SEMA6B: variants seen among roughly 807,000 people sequenced by gnomAD.
The protein encoded by SEMA6B is semaphorin 6B.
Under a neutral mutation model 78.6 loss-of-function variants are expected in SEMA6B, and 47 were observed. The ratio of observed to expected loss-of-function variants is 0.60; its 90% CI spans 0.47 to 0.76. SEMA6B has a LOEUF of 0.76. Among genes scored for constraint, SEMA6B ranks in the 30% least tolerant of loss-of-function variants. The pLI, the probability that SEMA6B is intolerant of heterozygous loss-of-function variation, is 0.00. For missense variants in SEMA6B, 1,213 were observed against 1,269.9 expected (o/e 0.96, Z 0.68); for synonymous variants, 632 against 592.2 (o/e 1.07, Z -0.98).
rs374468538 is a variant in SEMA6B at position 4,542,969 on chromosome 19, C to A, written c.*632G>T. On this transcript the variant is annotated 3_prime_UTR_variant, in exon 17 of 17. Coordinates refer to ENST00000586582, the MANE Select transcript of SEMA6B (RefSeq NM_032108.4). ...CCGGGCCTTCTGGAAGCCCCAGCGT[C>A]GGCTCAGCCAACGCCCAGGCCGCTG... 78 of 700,164 alleles carry A rather than the reference C, an allele frequency of 1.1e-4. No homozygotes were observed. The highest frequency in any genetic ancestry group is 7.7e-4 in the African/African-American group (44 of 57,260). 43.4% of individuals were successfully genotyped at this position (700,164 alleles called of 1,614,324 possible). A position where few individuals can be genotyped will look rare whatever the true frequency, so the allele number is the denominator to read the frequency against.
rs1419824996 is a variant in SEMA6B, at chr19:4,543,585, TC to T, written c.*15del. 1 of 1,208,944 alleles carries T rather than the reference TC, an allele frequency of 8.3e-7. No homozygotes were observed. 74.9% of individuals were successfully genotyped at this position (1,208,944 alleles called of 1,614,324 possible). A position where few individuals can be genotyped will look rare whatever the true frequency, so the allele number is the denominator to read the frequency against. ...TCCCGTGGCTGGCACTGCCAAGGCA[TC>T]GGGGGGCCCCCGGCCTAGGGCACGG... On this transcript the variant is annotated 3_prime_UTR_variant, in exon 17 of 17. Coordinates refer to ENST00000586582, the MANE Select transcript of SEMA6B (RefSeq NM_032108.4).
intron 10 of SEMA6B, 113 bp from the exon 11 acceptor site, chr19:4,551,043 C>T (rs1977318546): frequency 2.5e-6 from 3 of 1,199,442 alleles, no homozygotes; most frequent in East Asian, 2.4e-5. Context: ...TCTTCCTAGG[C>T]CAGAGATGTC....
Position 4,550,299 on chromosome 19 carries a change from A to G in SEMA6B, c.1122-27T>C. 1.9e-6 allele frequency: 3 copies of G among 1,612,592 alleles called. No individual in the cohort carries two copies. Among genetic ancestry groups the G allele is most frequent in the Non-Finnish European group, 2.5e-6 (3 of 1,179,302 alleles). On this transcript the variant is annotated intron_variant, in intron 11 of 16. Coordinates refer to ENST00000586582, the MANE Select transcript of SEMA6B (RefSeq NM_032108.4). This position sits in a 1 kb window ranked among gnomAD's most constrained non-coding sequence, Gnocchi z 6.6. ...TGGGGGTGACAAGGGTGTGGTCAGGACGAACGTAAAGGTTCTCATAAAGGG... is the reference window on the plus strand; with the variant it reads ...TGGGGGTGACAAGGGTGTGGTCAGGGCGAACGTAAAGGTTCTCATAAAGGG...
chr19:4,555,665 G>T lies in SEMA6B; in HGVS notation c.472-101C>A. 1 of 943,116 alleles carries T rather than the reference G, an allele frequency of 1.1e-6. No homozygotes were observed. The highest frequency in any genetic ancestry group is 1.6e-6 in the Non-Finnish European group (1 of 610,386). 58.4% of individuals were successfully genotyped at this position (943,116 alleles called of 1,614,324 possible). A position where few individuals can be genotyped will look rare whatever the true frequency, so the allele number is the denominator to read the frequency against. Reference sequence around the variant, plus strand: ...TCCAGGGGGAATCCTGATCCACCACGGATTACTGTGTGACCTTGGCCACTC... The same window carrying T: ...TCCAGGGGGAATCCTGATCCACCACTGATTACTGTGTGACCTTGGCCACTC... On this transcript the variant is annotated intron_variant, in intron 6 of 16. Coordinates refer to ENST00000586582, the MANE Select transcript of SEMA6B (RefSeq NM_032108.4). The surrounding 1 kb of genome is among the most constrained non-coding windows in gnomAD (Gnocchi z 6.1).
rs1183401224 is a variant in SEMA6B, at chr19:4,555,796, C to T, written c.471+192G>A. Among the ~76,000 whole-genome samples the T allele has an allele frequency of 6.6e-6, 1 of 152,188 alleles. No homozygotes were observed. The highest frequency in any genetic ancestry group is 1.9e-4 in the East Asian group (1 of 5,192). ...ATTACCTAAGTAGCTACGGCTTCCCCGGCCCCCTGTACAGGCCTCGTTTGG... is the reference window on the plus strand; with the variant it reads ...ATTACCTAAGTAGCTACGGCTTCCCTGGCCCCCTGTACAGGCCTCGTTTGG... On this transcript the variant is annotated intron_variant, in intron 6 of 16. Coordinates refer to ENST00000586582, the MANE Select transcript of SEMA6B (RefSeq NM_032108.4). This position sits in a 1 kb window ranked among gnomAD's most constrained non-coding sequence, Gnocchi z 6.1.
intron 12 of SEMA6B, among the ~76,000 whole-genome samples, 165 bp from the exon 13 acceptor site, chr19:4,548,610 C>A (rs2145348785): frequency 6.6e-6 from 1 of 152,362 alleles, no homozygotes; most frequent in South Asian, 2.1e-4. Flanking sequence ...CGTGACTACA[C>A]AGGCACGTGG....
intron 10 of SEMA6B, among the ~76,000 whole-genome samples, chr19:4,551,924 C>T (rs757841981): frequency 6.6e-6 from 1 of 152,120 alleles, no homozygotes; most frequent in Non-Finnish European, 1.5e-5. Flanking sequence ...CTCCCCAGTG[C>T]TCTCAGGGAA....
chr19:4,551,039 T>A, intron 10 of SEMA6B, 109 bp from the exon 11 acceptor site: 1 of 1,297,078 alleles, frequency 7.7e-7, no homozygotes, highest in Admixed American at 1.9e-5. Context: ...TCAGTCTTCC[T>A]AGGCCAGAGA....
chr19:4,559,369 AC>A (rs1977557858), intron 1 of SEMA6B, among the ~76,000 whole-genome samples, 160 bp downstream of exon 1: 1 of 151,856 alleles, frequency 6.6e-6, no homozygotes, highest in South Asian at 2.1e-4. Flanking sequence ...ACTACCTCTC[AC>A]GGGGGACTGC....
At position 4,558,236 on chromosome 19, in the gene SEMA6B, C is replaced by T. The variant is rs1013315802; in HGVS notation, c.122-87G>A. Reference sequence around the variant, plus strand: ...GGTCATGCCCCTTCTAGGGGTGGCTCCTGGACTGCTTGAGTCCCCCAGTGG... The same window carrying T: ...GGTCATGCCCCTTCTAGGGGTGGCTTCTGGACTGCTTGAGTCCCCCAGTGG... On this transcript the variant is annotated intron_variant, in intron 2 of 16. Coordinates refer to ENST00000586582, the MANE Select transcript of SEMA6B (RefSeq NM_032108.4). The surrounding 1 kb of genome is among the most constrained non-coding windows in gnomAD (Gnocchi z 5.1). 2.0e-5 allele frequency: 27 copies of T among 1,317,892 alleles called. No individual in the cohort carries two copies. The highest frequency in any genetic ancestry group is 3.5e-5 in the Admixed American group (1 of 28,856). 81.6% of individuals were successfully genotyped at this position (1,317,892 alleles called of 1,614,324 possible). A position where few individuals can be genotyped will look rare whatever the true frequency, so the allele number is the denominator to read the frequency against.
At position 4,543,194 on chromosome 19, in the gene SEMA6B, G is replaced by T. The variant is rs900698436; in HGVS notation, c.*407C>A. On this transcript the variant is annotated 3_prime_UTR_variant, in exon 17 of 17. Transcript: ENST00000586582. ...GGGAGGGACCTTTCCAGGGGTGGGGGAGGGCTTAGGTCTGCAGCTGTGGCC... is the reference window on the plus strand; with the variant it reads ...GGGAGGGACCTTTCCAGGGGTGGGGTAGGGCTTAGGTCTGCAGCTGTGGCC... 6 of 587,260 alleles carry T rather than the reference G, an allele frequency of 1.0e-5. No homozygotes were observed. The highest frequency in any genetic ancestry group is 1.8e-5 in the Non-Finnish European group (6 of 328,894). 36.4% of individuals were successfully genotyped at this position (587,260 alleles called of 1,614,324 possible). A position where few individuals can be genotyped will look rare whatever the true frequency, so the allele number is the denominator to read the frequency against.
chr19:4,546,202 T>TC lies in SEMA6B; in HGVS notation c.1738+13dup, dbSNP rs771502699. On this transcript the variant is annotated intron_variant, in intron 16 of 16. Coordinates refer to ENST00000586582, the MANE Select transcript of SEMA6B (RefSeq NM_032108.4). ...GGGGGATGGGGGTCTTAGCCTGCCG[T>TC]CCCCCCAACTCACCTGTGCAGTCCC... 6.3e-7 allele frequency: 1 copy of TC among 1,594,620 alleles called. No homozygotes were observed. Among genetic ancestry groups the TC allele is most frequent in the Non-Finnish European group, 8.6e-7 (1 of 1,169,498 alleles).
chr19:4,556,426 G>A (rs1385757514), intron 5 of SEMA6B, among the ~76,000 whole-genome samples: 3 of 151,924 alleles, frequency 2.0e-5, no homozygotes, highest in Non-Finnish European at 4.4e-5. Context: ...GAACTAACTG[G>A]GGCGTGGTGG....
chr19:4,550,234 G>T lies in SEMA6B; in HGVS notation c.1160C>A (p.Ala387Asp). The change falls in exon 12 of 17, where the codon GCC becomes GAC. Residue 387 changes from alanine (A) to aspartate (D), a missense_variant. By Grantham distance (126) the Ala-to-Asp change is moderately radical. Transcript: ENST00000586582. The surrounding 1 kb of genome is among the most constrained non-coding windows in gnomAD (Gnocchi z 6.6). ...CCAAPGMQYNASSALPDDILN... is the reference protein window; with the variant it reads ...CCAAPGMQYNDSSALPDDILN... ...GATGTCATCCGGCAAGGCGCTGGAG[G>T]CATTGTACTGCATCCCGGGGGCTGC... 6.2e-7 allele frequency: 1 copy of T among 1,613,202 alleles called. No homozygotes were observed. Among genetic ancestry groups the T allele is most frequent in the South Asian group, 1.1e-5 (1 of 91,064 alleles).
At position 4,552,275 on chromosome 19, in the gene SEMA6B, C is replaced by T; in HGVS notation, c.989+147G>A. On this transcript the variant is annotated intron_variant, in intron 10 of 16. Coordinates refer to ENST00000586582, the MANE Select transcript of SEMA6B (RefSeq NM_032108.4). This position sits in a 1 kb window ranked among gnomAD's most constrained non-coding sequence, Gnocchi z 7.4. ...TTAGAGGGTCAGTGTCAGCTTGTCC[C>T]ACCCCAGCCTGGGGCCGAGGCCTCT... The T allele has an allele frequency of 1.3e-6, 1 of 755,472 alleles. No homozygotes were observed. Among genetic ancestry groups the T allele is most frequent in the Non-Finnish European group, 2.2e-6 (1 of 464,196 alleles). 46.8% of individuals were successfully genotyped at this position (755,472 alleles called of 1,614,324 possible).
intron 14 of SEMA6B, among the ~76,000 whole-genome samples, chr19:4,546,917 TTTC>T (rs1181154389): frequency 2.0e-5 from 3 of 151,430 alleles, no homozygotes; most frequent in Non-Finnish European, 1.5e-5. Flanking sequence ...CGGCTGGCGT[TTTC>T]TTATTTTAAA....
chr19:4,548,484 A>T (rs1977233619), intron 12 of SEMA6B, 39 bp from the exon 13 acceptor site: 2 of 1,579,106 alleles, frequency 1.3e-6, no homozygotes, highest in Non-Finnish European at 1.7e-6. Flanking sequence ...CTGGCCCCAT[A>T]TCACCACATG....
At chr19:4,559,093 C>A (rs1001074682) in intron 1 of SEMA6B, among the ~76,000 whole-genome samples, 1 of 150,826 alleles carries the variant, frequency 6.6e-6, no homozygotes, top group Non-Finnish European at 1.5e-5. Context: ...TACTGGAGAG[C>A]TGAGGCAGGA....
chr19:4,549,633 C>T (rs1365410962), intron 12 of SEMA6B, among the ~76,000 whole-genome samples: 14 of 152,300 alleles, frequency 9.2e-5, no homozygotes, highest in East Asian at 1.9e-4. Flanking sequence ...CGCCTGCCAC[C>T]ACGCCCAGCT....
Sources: gnomAD v4.1 joint callset for allele counts (sites outside exome capture counted in the v4.1 genomes callset) on GRCh38, gnomAD v4.1.1 for gene constraint, Gnocchi (gnomAD v3.1) non-coding constraint, MANE v1.5 for transcripts, NCBI Gene and HGNC (gene_info 2026-07-23, HGNC 2026-07-21) for gene names.